The following NTRK2 variants were observed in gnomAD, a reference collection of about 807,000 sequenced individuals.
The protein encoded by NTRK2 is neurotrophic receptor tyrosine kinase 2.
NTRK2 carries 13 observed loss-of-function variants against 94.5 expected under a neutral mutation model. The observed-to-expected ratio is 0.14, with a 90% CI of 0.09 to 0.22. The LOEUF (loss-of-function observed/expected upper bound fraction) is 0.22, where lower values mean the gene tolerates loss of function less well. NTRK2 is among the 10% of genes least tolerant of loss of function. The pLI, the probability that NTRK2 is intolerant of heterozygous loss-of-function variation, is 1.00. For synonymous variants in NTRK2, 372 were observed against 407.4 expected, an observed-to-expected ratio of 0.91 and a Z score of 1.05; for missense variants, 639 against 1,071.2, an observed-to-expected ratio of 0.60 and a Z score of 5.63.
intron 12 of NTRK2, among the ~76,000 whole-genome samples, chr9:84,843,272 G>T (rs763200154): frequency 2.0e-5 from 3 of 152,116 alleles, no homozygotes; most frequent in Non-Finnish European, 4.4e-5. Context: ...AGGTGCTCTG[G>T]ATGCCTTGTA....
intron 17 of NTRK2, among the ~76,000 whole-genome samples, chr9:84,970,709 A>G (rs3860945): frequency 0.22 from 33,109 of 152,128 alleles, 4,314 homozygotes; most frequent in African/African-American, 0.36. Flanking sequence ...GCTGAAATCA[A>G]TATACTTCAT....
In NTRK2 at chr9:85,021,491, G is replaced by A. The variant is rs998057822; in HGVS notation, c.*54G>A. 8.2e-6 allele frequency: 13 copies of A among 1,579,572 alleles called. No homozygotes were observed. The highest frequency in any genetic ancestry group is 1.1e-5 in the Non-Finnish European group (13 of 1,149,114). On this transcript the variant is annotated 3_prime_UTR_variant, in exon 19 of 19. Coordinates refer to ENST00000277120, the MANE Select transcript of NTRK2 (RefSeq NM_006180.6). The stretch of plus-strand genomic sequence containing the variant: ...AACGTACTCCTCAGACGGGCTGAGA[G>A]GATGAACATCTTTTAACTGCCGCTG...
intron 14 of NTRK2, among the ~76,000 whole-genome samples, chr9:84,910,349 T>C (rs925271355): frequency 4.6e-5 from 7 of 152,126 alleles, no homozygotes. Flanking sequence ...ACTCTTCCCT[T>C]CCCTTGTCTC....
chr9:84,785,519 G>A lies in NTRK2; in HGVS notation c.1396+33434G>A, dbSNP rs1304599525. Among the ~76,000 whole-genome samples the A allele has an allele frequency of 4.6e-5, 7 of 152,136 alleles. No individual in the cohort carries two copies. In the East Asian group the frequency reaches 5.8e-4, roughly 13 times the overall value. On this transcript the variant is annotated intron_variant, in intron 12 of 18. Coordinates refer to ENST00000277120, the MANE Select transcript of NTRK2 (RefSeq NM_006180.6). Reference sequence around the variant, plus strand: ...AGTGGCTTCCGTGGATCAAGAGCTCGTATAACTCATTTTCCAGAAGAAGGG... The same window carrying A: ...AGTGGCTTCCGTGGATCAAGAGCTCATATAACTCATTTTCCAGAAGAAGGG...
chr9:84,846,259 C>G (rs746515480), intron 12 of NTRK2, among the ~76,000 whole-genome samples: 1 of 152,194 alleles, frequency 6.6e-6, no homozygotes, highest in Non-Finnish European at 1.5e-5. Context: ...TACATATTTT[C>G]GTATTATAGT....
chr9:84,802,893 T>A (rs1276954050), intron 12 of NTRK2, among the ~76,000 whole-genome samples: 1 of 152,026 alleles, frequency 6.6e-6, no homozygotes, highest in East Asian at 1.9e-4. Flanking sequence ...CGTGAATGAG[T>A]GGGTTCTCTT....
chr9:84,768,862 A>C (rs1936435), intron 12 of NTRK2, among the ~76,000 whole-genome samples: 109,313 of 151,972 alleles, frequency 0.72, 39,504 homozygotes, highest in African/African-American at 0.74. Flanking sequence ...GGGATCCTGG[A>C]TAAACCAATG....
intron 14 of NTRK2, among the ~76,000 whole-genome samples, chr9:84,871,374 G>A (rs988185826): frequency 6.6e-6 from 1 of 152,148 alleles, no homozygotes; most frequent in African/African-American, 2.4e-5. Flanking sequence ...GACACCGGGT[G>A]AGATAAATAA....
chr9:84,831,445 C>G (rs1351538266), intron 12 of NTRK2, among the ~76,000 whole-genome samples: 1 of 152,060 alleles, frequency 6.6e-6, no homozygotes, highest in Non-Finnish European at 1.5e-5. Flanking sequence ...AGGATCACTG[C>G]CTAATAAGAA....
intron 12 of NTRK2, among the ~76,000 whole-genome samples, chr9:84,796,796 A>G (rs1161225522): frequency 2.6e-5 from 4 of 152,232 alleles, no homozygotes; most frequent in Non-Finnish European, 5.9e-5. Flanking sequence ...TCACCATCTT[A>G]GGAAACAAAC....
At chr9:85,004,550 G>T (rs1489970358) in intron 17 of NTRK2, among the ~76,000 whole-genome samples, 8 of 152,164 alleles carry the variant, frequency 5.3e-5, no homozygotes, top group Admixed American at 1.3e-4. Flanking sequence ...ATAAATACGT[G>T]TTTTGTTATA....
chr9:84,727,694 C>T lies in NTRK2; in HGVS notation c.894C>T (p.Asp298=), dbSNP rs1355744801. 2 of 1,613,226 alleles carry T rather than the reference C, an allele frequency of 1.2e-6. No individual in the cohort carries two copies. The highest frequency in any genetic ancestry group is 1.7e-6 in the Non-Finnish European group (2 of 1,179,992). ...TITFLESPTS[D]HHWCIPFTVK... is the part of the protein sequence containing the mutation. Reference sequence around the variant, plus strand: ...CATTTCTCGAATCTCCAACCTCAGACCACCACTGGTGCATTCCATTCACTG... The same window carrying T: ...CATTTCTCGAATCTCCAACCTCAGATCACCACTGGTGCATTCCATTCACTG... The change falls in exon 9 of 19, where the codon GAC becomes GAT. Residue 298 remains aspartate, a synonymous_variant. Transcript: ENST00000277120.
At chr9:84,672,561 G>A (rs1414353976) in intron 2 of NTRK2, among the ~76,000 whole-genome samples, 1 of 152,140 alleles carries the variant, frequency 6.6e-6, no homozygotes, top group East Asian at 1.9e-4. Flanking sequence ...TGAGATTATG[G>A]GGAGTGCCTT....
intron 18 of NTRK2, among the ~76,000 whole-genome samples, chr9:85,021,016 T>C (rs1400072935): frequency 6.6e-6 from 1 of 152,160 alleles, no homozygotes; most frequent in Non-Finnish European, 1.5e-5. Flanking sequence ...TCCATATAAA[T>C]TATTTTTCCA....
chr9:84,873,603 T>G, intron 14 of NTRK2: 1 of 1,052,746 alleles, frequency 9.5e-7, no homozygotes, highest in East Asian at 5.3e-5. Context: ...AAAAGCAACT[T>G]GAGTTTCTTA....
In NTRK2 at chr9:84,994,926, G is replaced by T. The variant is rs138338476; in HGVS notation, c.2173-25280G>T. 9.8e-4 allele frequency among the ~76,000 whole-genome samples: 149 copies of T among 152,286 alleles called. 2 individuals are homozygous for T. The highest frequency in any genetic ancestry group is 3.7e-3 in the Admixed American group (57 of 15,306). ...AAGTCACTAATGTGCAGAAAGGATG[G>T]ATCTGCAGAGTGCCCCATTGCAATG... On this transcript the variant is annotated intron_variant, in intron 17 of 18. Coordinates refer to ENST00000277120, the MANE Select transcript of NTRK2 (RefSeq NM_006180.6).
chr9:84,769,228 G>C (rs2132789337), intron 12 of NTRK2, among the ~76,000 whole-genome samples: 1 of 152,220 alleles, frequency 6.6e-6, no homozygotes, highest in Admixed American at 6.5e-5. Flanking sequence ...GCAGTGTATG[G>C]AACTACTTAC....
intron 2 of NTRK2, among the ~76,000 whole-genome samples, chr9:84,701,407 A>C (rs977075702): frequency 6.6e-6 from 1 of 152,072 alleles, no homozygotes; most frequent in African/African-American, 2.4e-5. Flanking sequence ...GCATTCATTT[A>C]TTTAATCTCG....
intron 12 of NTRK2, among the ~76,000 whole-genome samples, chr9:84,807,161 G>C (rs897305049): frequency 6.6e-6 from 1 of 152,220 alleles, no homozygotes; most frequent in African/African-American, 2.4e-5. Flanking sequence ...TAATTTAAAT[G>C]TACTGCAGAT....
Sources: allele counts gnomAD v4.1 joint callset (sites outside exome capture counted in the v4.1 genomes callset), GRCh38; gene constraint gnomAD v4.1.1; transcripts MANE v1.5; gene names NCBI Gene and HGNC (gene_info 2026-07-23, HGNC 2026-07-21).